DNAAF11: variants seen among roughly 807,000 people sequenced by gnomAD.
DNAAF11 encodes leucine rich repeat containing 6.
Under a neutral mutation model 60.8 loss-of-function variants are expected in DNAAF11, and 45 were observed. The ratio of observed to expected loss-of-function variants is 0.74; its 90% CI spans 0.58 to 0.95. DNAAF11 has a LOEUF of 0.95. Among genes scored for constraint, DNAAF11 ranks in the 40% least tolerant of loss-of-function variants. The pLI is 0.00. For missense variants in DNAAF11, 546 were observed against 546.2 expected (o/e 1.00, Z 0.00); for synonymous variants, 191 against 183.5 (o/e 1.04, Z -0.33).
intron 2 of DNAAF11, among the ~76,000 whole-genome samples, chr8:132,660,796 G>A (rs1176266797): frequency 6.6e-6 from 1 of 152,220 alleles, no homozygotes; most frequent in Non-Finnish European, 1.5e-5. Context: ...AGGCCCACCT[G>A]GGGAGGAGAA....
Position 132,583,767 on chromosome 8 carries a change from T to C in DNAAF11, c.1153A>G (p.Ile385Val). 1 of 1,612,788 alleles carries C rather than the reference T, an allele frequency of 6.2e-7. No individual in the cohort carries two copies. Among genetic ancestry groups the C allele is most frequent in the Non-Finnish European group, 8.5e-7 (1 of 1,178,866 alleles). Residue 385 changes from isoleucine (I) to valine (V), a missense_variant, in exon 11 of 12, where the codon ATC becomes GTC. Ile to Val is a conservative substitution (Grantham distance 29). Transcript: ENST00000620350. ...VICMPKVGEV[I>V]TGGQRAFKSM... Reference sequence around the variant, plus strand: ...TTGAATGCTCGCTGACCACCTGTGATTACTTCTCCTACCTAAAATAAAAAT... The same window carrying C: ...TTGAATGCTCGCTGACCACCTGTGACTACTTCTCCTACCTAAAATAAAAAT...
At chr8:132,582,757 T>C (rs2131007485) in intron 11 of DNAAF11, among the ~76,000 whole-genome samples, 1 of 152,346 alleles carries the variant, frequency 6.6e-6, no homozygotes, top group Non-Finnish European at 1.5e-5. Flanking sequence ...ATATAGCTCT[T>C]GTTCAGGTAT....
At position 132,600,014 on chromosome 8, in the gene DNAAF11, T is replaced by C. The variant is rs1338025812; in HGVS notation, c.1140+10152A>G. Among the ~76,000 whole-genome samples the C allele has an allele frequency of 2.0e-5, 3 of 152,254 alleles. No individual in the cohort carries two copies. In the East Asian group the frequency reaches 5.8e-4, roughly 29 times the overall value. On this transcript the variant is annotated intron_variant, in intron 10 of 11. Coordinates refer to ENST00000620350, the MANE Select transcript of DNAAF11 (RefSeq NM_012472.6). ...GTATGCAGATAACATGATTGTATAT[T>C]TAGAAAACCCCATCATCTCAGCCCA...
intron 1 of DNAAF11, among the ~76,000 whole-genome samples, chr8:132,674,624 C>A (rs1825596866): frequency 6.6e-6 from 1 of 152,226 alleles, no homozygotes; most frequent in African/African-American, 2.4e-5. Context: ...CGCAGTGGCT[C>A]ACGCCTGTAA....
chr8:132,637,919 A>G lies in DNAAF11; in HGVS notation c.429+16T>C. 1 of 1,590,262 alleles carries G rather than the reference A, an allele frequency of 6.3e-7. No individual in the cohort carries two copies. Among genetic ancestry groups the G allele is most frequent in the Non-Finnish European group, 8.6e-7 (1 of 1,167,352 alleles). On this transcript the variant is annotated intron_variant, in intron 4 of 11. Transcript: ENST00000620350. ...CTCATTTATCTGTGATTTCTGCACC[A>G]TTAAAAGAACCATACCTTTAATTGT...
chr8:132,611,175 T>C (rs985530446), intron 9 of DNAAF11, 119 bp downstream of exon 9: 4 of 645,536 alleles, frequency 6.2e-6, no homozygotes, highest in Non-Finnish European at 1.0e-5. Context: ...ATTACAGGCA[T>C]GAGCCACTGC....
At chr8:132,658,375 T>C (rs1025775240) in intron 2 of DNAAF11, among the ~76,000 whole-genome samples, 1 of 152,158 alleles carries the variant, frequency 6.6e-6, no homozygotes, top group Non-Finnish European at 1.5e-5. Context: ...CAGGCTGGAG[T>C]GCAGTGGCCC....
chr8:132,673,915 A>G (rs1825423408), intron 1 of DNAAF11, among the ~76,000 whole-genome samples: 1 of 152,176 alleles, frequency 6.6e-6, no homozygotes, highest in Admixed American at 6.5e-5. Flanking sequence ...TGCAAGTCTG[A>G]CAAGTTAATG....
rs1023696862 is a variant in DNAAF11, at chr8:132,655,387, T to G, written c.256+1443A>C. Among the ~76,000 whole-genome samples the G allele has an allele frequency of 7.2e-5, 11 of 152,156 alleles. No homozygotes were observed. In the East Asian group the frequency reaches 2.1e-3, roughly 29 times the overall value. On this transcript the variant is annotated intron_variant, in intron 3 of 11. Coordinates refer to ENST00000620350, the MANE Select transcript of DNAAF11 (RefSeq NM_012472.6). ...AAAAAAATCGAATAAGAAGCACTTCTCAATTCATTCTATAAAGGCCCCTAC... is the reference window on the plus strand; with the variant it reads ...AAAAAAATCGAATAAGAAGCACTTCGCAATTCATTCTATAAAGGCCCCTAC...
chr8:132,645,675 A>T (rs1822308542), intron 3 of DNAAF11, among the ~76,000 whole-genome samples: 1 of 152,342 alleles, frequency 6.6e-6, no homozygotes, highest in South Asian at 2.1e-4. Flanking sequence ...CAATCATGGC[A>T]TGAGAACTAA....
intron 1 of DNAAF11, among the ~76,000 whole-genome samples, chr8:132,667,463 T>C (rs1484712906): frequency 6.6e-6 from 1 of 152,240 alleles, no homozygotes; most frequent in Non-Finnish European, 1.5e-5. Context: ...TAATATGTTA[T>C]CATAAGACTA....
Position 132,625,425 on chromosome 8 carries a change from T to C in DNAAF11, c.683A>G (p.Gln228Arg), listed in dbSNP as rs1450665198. ...LSSLESKDHL[Q>R]APDTEEHNTK... is the part of the protein sequence containing the mutation. ...GTTGTGTTCCTCTGTGTCTGGTGCC[T>C]GTAGGTGGTCTTTGCTCTCTAAAGA... The change falls in exon 6 of 12, where the codon CAG (glutamine) becomes CGG (arginine). Residue 228 changes from glutamine (Q) to arginine (R), a missense_variant. Transcript: ENST00000620350. The C allele has an allele frequency of 1.2e-6, 2 of 1,611,358 alleles. No individual in the cohort carries two copies. Among genetic ancestry groups the C allele is most frequent in the South Asian group, 1.1e-5 (1 of 90,184 alleles).
Position 132,622,680 on chromosome 8 carries a change from T to C in DNAAF11, c.845A>G (p.Lys282Arg), listed in dbSNP as rs1473951867. The stretch of plus-strand genomic sequence containing the variant: ...AGTCCTGGGTGGTTTCACTTTCTTC[T>C]TTTTTTCACTTAAGATTGGTGGTGG... ...RKKQEKLSEK[K>R]KKVKPPRTLI... Residue 282 changes from lysine (K) to arginine (R), a missense_variant, in exon 7 of 12, where the codon AAG becomes AGG. Lys to Arg is a conservative substitution (Grantham distance 26, BLOSUM62 2). Coordinates refer to ENST00000620350, the MANE Select transcript of DNAAF11 (RefSeq NM_012472.6). The C allele has an allele frequency of 6.2e-7, 1 of 1,610,996 alleles. No individual in the cohort carries two copies. Among genetic ancestry groups the C allele is most frequent in the South Asian group, 1.1e-5 (1 of 90,790 alleles).
chr8:132,694,278 A>G, the DNAAF11 span, among the ~76,000 whole-genome samples: 1 of 152,152 alleles, frequency 6.6e-6, no homozygotes, highest in Admixed American at 6.5e-5. Context: ...GTGTCCTCCC[A>G]CCCAAATTTG....
chr8:132,602,906 C>T (rs1261622643), intron 10 of DNAAF11, among the ~76,000 whole-genome samples: 1 of 152,078 alleles, frequency 6.6e-6, no homozygotes, highest in South Asian at 2.1e-4. Flanking sequence ...TTCACTCAAG[C>T]TCAAGTCCAA....
chr8:132,575,677 C>T (rs77097919), intron 11 of DNAAF11, among the ~76,000 whole-genome samples: 10 of 152,124 alleles, frequency 6.6e-5, no homozygotes, highest in African/African-American at 1.7e-4. Context: ...TGGCACTGGG[C>T]GCGGGGTGGG....
rs1818669778 is a variant in DNAAF11, at chr8:132,611,529, AG to A, written c.975-167del. Among the ~76,000 whole-genome samples the A allele has an allele frequency of 2.6e-5, 4 of 152,338 alleles. No homozygotes were observed. In the South Asian group the frequency reaches 8.3e-4, roughly 32 times the overall value. Reference sequence around the variant, plus strand: ...AGTTTTAAATTAATTCCCAGACCAAAGGAAATTCAATATATCAGCAATTTCA... The same window carrying A: ...AGTTTTAAATTAATTCCCAGACCAAAGAAATTCAATATATCAGCAATTTCA... On this transcript the variant is annotated intron_variant, in intron 8 of 11. Coordinates refer to ENST00000620350, the MANE Select transcript of DNAAF11 (RefSeq NM_012472.6).
chr8:132,631,654 GAA>G (rs1820805650), intron 5 of DNAAF11, among the ~76,000 whole-genome samples: 1 of 152,190 alleles, frequency 6.6e-6, no homozygotes, highest in Non-Finnish European at 1.5e-5. Context: ...CCACTGGGAT[GAA>G]GAGAGGCATG....
At chr8:132,573,436 GAC>G (rs1200808556) in intron 11 of DNAAF11, among the ~76,000 whole-genome samples, 1 of 152,104 alleles carries the variant, frequency 6.6e-6, no homozygotes, top group Non-Finnish European at 1.5e-5. Flanking sequence ...CAGAATTAAT[GAC>G]ACTCTCATAC....
Sources: allele counts gnomAD v4.1 joint callset (sites outside exome capture counted in the v4.1 genomes callset), GRCh38; gene constraint gnomAD v4.1.1; transcripts MANE v1.5; gene names NCBI Gene and HGNC (gene_info 2026-07-23, HGNC 2026-07-21).